The following PYGL variants were observed in gnomAD, a reference collection of about 807,000 sequenced individuals.
The protein encoded by PYGL is glycogen phosphorylase, liver form.
A neutral mutation model predicts 100.1 loss-of-function variants in PYGL; 90 were observed. The ratio of observed to expected loss-of-function variants is 0.90; its 90% CI spans 0.76 to 1.07. The LOEUF (loss-of-function observed/expected upper bound fraction) is 1.07. Ranked by LOEUF, PYGL falls within the 50% of genes least tolerant of loss-of-function variation. The pLI is 0.00. For missense variants in PYGL, 1,016 were observed against 1,057.6 expected, an observed-to-expected ratio of 0.96 and a Z score of 0.55; for synonymous variants, 373 against 393.0, an observed-to-expected ratio of 0.95 and a Z score of 0.60.
At position 50,913,596 on chromosome 14, in the gene PYGL, G is replaced by A. The variant is rs185220088; in HGVS notation, c.1519-466C>T. On this transcript the variant is annotated intron_variant, in intron 12 of 19. Coordinates refer to ENST00000216392, the MANE Select transcript of PYGL (RefSeq NM_002863.5). ...TCACTGTGTTAGCCAGAATGGTCTCGATCTCCTGACCTTGTGATCTGCCCT... is the reference window on the plus strand; with the variant it reads ...TCACTGTGTTAGCCAGAATGGTCTCAATCTCCTGACCTTGTGATCTGCCCT... Among the ~76,000 whole-genome samples, 657 of 152,064 alleles carry A rather than the reference G, an allele frequency of 4.3e-3. 17 individuals carry two copies. In the East Asian group the frequency reaches 0.094, roughly 22 times the overall value.
rs556197952 is a variant in PYGL at position 50,923,801 on chromosome 14, C to G, written c.660+168G>C. ...CTCAGCTCCTTTGTCTCCAAAATGA[C>G]TGGGCTGCGCTAAGAGAAGTAACAG... On this transcript the variant is annotated intron_variant, in intron 5 of 19. Transcript: ENST00000216392. 4.8e-5 allele frequency: 37 copies of G among 778,744 alleles called. No homozygotes were observed. In the South Asian group the frequency reaches 7.1e-4, roughly 15 times the overall value. The allele number at this position is 778,744 out of a possible 1,614,324, so 48.2% of individuals were successfully genotyped here. A position where few individuals can be genotyped will look rare whatever the true frequency, so the allele number is the denominator to read the frequency against.
intron 4 of PYGL, among the ~76,000 whole-genome samples, chr14:50,931,219 C>T (rs2050598157): frequency 6.6e-6 from 1 of 152,134 alleles, no homozygotes; most frequent in Non-Finnish European, 1.5e-5. Flanking sequence ...CATGTATTGG[C>T]CAGCAGTGTG....
intron 7 of PYGL, among the ~76,000 whole-genome samples, chr14:50,919,666 GGTGTGTGT>G (rs35650221): frequency 8.1e-5 from 12 of 148,758 alleles, no homozygotes; most frequent in East Asian, 2.0e-4. Context: ...AGTTCCAAGT[GGTGTGTGT>G]GTGTGTGTGT....
chr14:50,908,777 C>G (rs750482789), intron 18 of PYGL, 44 bp downstream of exon 18: 6 of 1,530,630 alleles, frequency 3.9e-6, no homozygotes, highest in Non-Finnish European at 5.4e-6. Flanking sequence ...TTTCTTGTCC[C>G]CCTTTCATGA....
In PYGL at chr14:50,911,701, C is replaced by T. The variant is rs367999984; in HGVS notation, c.1969+29G>A. The T allele has an allele frequency of 3.0e-5, 49 of 1,613,386 alleles. 1 individual carries two copies. The African/African-American group carries it at 6.1e-4, about 20-fold the overall frequency. On this transcript the variant is annotated intron_variant, in intron 16 of 19. Coordinates refer to ENST00000216392, the MANE Select transcript of PYGL (RefSeq NM_002863.5). ...TGTAATCTCTAGAGTTTGCCCTGGC[C>T]CCTGCATATTTTGCAATGAGGGTAG...
intron 5 of PYGL, chr14:50,923,667 T>C: frequency 3.7e-6 from 1 of 267,280 alleles, no homozygotes; most frequent in South Asian, 3.6e-5. Flanking sequence ...CTGGTTACTA[T>C]AGAACTGACA....
intron 16 of PYGL, among the ~76,000 whole-genome samples, chr14:50,910,340 A>G (rs555201765): frequency 1.3e-5 from 2 of 152,306 alleles, no homozygotes; most frequent in African/African-American, 2.4e-5. Context: ...AAGAGTATCT[A>G]TTGACTGCGA....
At chr14:50,943,776 T>C (rs1413876571) in intron 1 of PYGL, among the ~76,000 whole-genome samples, 1 of 152,224 alleles carries the variant, frequency 6.6e-6, no homozygotes, top group African/African-American at 2.4e-5. Context: ...GGGCAGAGAA[T>C]AGTGTCCGGC....
In PYGL at chr14:50,915,395, G is replaced by A. The variant is rs746971247; in HGVS notation, c.1344C>T (p.Val448=). Residue 448 remains valine, a synonymous_variant, in exon 11 of 20, where the codon GTC becomes GTT. Transcript: ENST00000216392. ...KRINMAHLCI[V]GSHAVNGVAK... ...CCACGCCATTCACAGCATGGGAACC[G>A]ACAATGCAGAGATGGGCCATGTTGA... 1.1e-5 allele frequency: 18 copies of A among 1,614,130 alleles called. No individual in the cohort carries two copies. Among genetic ancestry groups the A allele is most frequent in the East Asian group, 2.2e-5 (1 of 44,876 alleles).
In PYGL at chr14:50,944,240, G is replaced by A; in HGVS notation, c.164C>T (p.Ala55Val). 6.2e-7 allele frequency: 1 copy of A among 1,613,638 alleles called. No homozygotes were observed. Among genetic ancestry groups the A allele is most frequent in the Non-Finnish European group, 8.5e-7 (1 of 1,179,908 alleles). ...GTGGTCGCGCACCGTGTGCGCCAGC[G>A]CGAAGTAGTAGTCGCGGGTGGTGGC... ...NVATTRDYYF[A>V]LAHTVRDHLV... The change falls in exon 1 of 20, where the codon GCG (alanine) becomes GTG (valine). Residue 55 changes from alanine to valine, a missense_variant. By Grantham distance (64) the Ala-to-Val change is moderately conservative. Transcript: ENST00000216392.
In PYGL at chr14:50,924,012, T is replaced by C. The variant is rs371889140; in HGVS notation, c.617A>G (p.Lys206Arg). 56 of 1,613,866 alleles carry C rather than the reference T, an allele frequency of 3.5e-5. No homozygotes were observed. Among genetic ancestry groups the C allele is most frequent in the Non-Finnish European group, 4.7e-5 (56 of 1,179,874 alleles). Reference protein sequence around the residue: ...EFMLPVHFYGKVEHTNTGTKW... With the variant: ...EFMLPVHFYGRVEHTNTGTKW... ...GGTCCCGGTGTTGGTGTGTTCTACT[T>C]TTCCATAGAAGTGCACAGGCAGCAT... The change falls in exon 5 of 20, where the codon AAA becomes AGA. Residue 206 changes from lysine (K) to arginine (R), a missense_variant. Coordinates refer to ENST00000216392, the MANE Select transcript of PYGL (RefSeq NM_002863.5).
intron 4 of PYGL, among the ~76,000 whole-genome samples, chr14:50,930,929 A>T (rs1485229591): frequency 2.1e-5 from 3 of 145,974 alleles, no homozygotes; most frequent in Non-Finnish European, 3.0e-5. Flanking sequence ...TACCAGAGAT[A>T]AAAAAAAAAT....
At chr14:50,913,852 C>G (rs749508126) in intron 12 of PYGL, among the ~76,000 whole-genome samples, 2 of 151,928 alleles carry the variant, frequency 1.3e-5, no homozygotes, top group Admixed American at 6.6e-5. Flanking sequence ...CAACACCTGG[C>G]TAATCTTTTT....
rs1327581647 is a variant in PYGL, at chr14:50,917,090, C to A, written c.871G>T (p.Glu291Ter). ...AAGTATTCCTGCTTCAATCTTAGCT[C>A]CTTCCCTTCAAAAAACTTCAAGCCA... is the stretch of plus-strand genomic sequence containing the variant. ...YPNDNFFEGK[E>*]LRLKQEYFVV... The change falls in exon 8 of 20, where the codon GAG becomes TAG. Residue 291 changes from glutamate (E) to a stop codon, truncating the protein, a stop_gained. Coordinates refer to ENST00000216392, the MANE Select transcript of PYGL (RefSeq NM_002863.5). LOFTEE classifies it high-confidence loss of function. 6.2e-7 allele frequency: 1 copy of A among 1,613,992 alleles called. No homozygotes were observed. The highest frequency in any genetic ancestry group is 1.7e-5 in the Admixed American group (1 of 60,026).
intron 3 of PYGL, 135 bp from the exon 4 acceptor site, chr14:50,931,911 C>G (rs567744308): frequency 2.0e-4 from 140 of 709,142 alleles, no homozygotes; most frequent in African/African-American, 1.9e-3. Flanking sequence ...AGCACAGATA[C>G]TACTGCACAA....
Position 50,910,068 on chromosome 14 carries a change from G to A in PYGL, c.2004C>T (p.Ser668=), listed in dbSNP as rs1215406679. The change falls in exon 17 of 20, where the codon TCC becomes TCT. Residue 668 remains serine, a synonymous_variant. Transcript: ENST00000216392. ...TCCCCGAGGCTTCGGTGCCTGCAGT[G>A]GAAATCTGCTCTGACAGATCTGTGG... is the stretch of plus-strand genomic sequence containing the variant. ...IPATDLSEQI[S]TAGTEASGTG... The A allele has an allele frequency of 6.2e-7, 1 of 1,614,086 alleles. No homozygotes were observed. The highest frequency in any genetic ancestry group is 1.3e-5 in the African/African-American group (1 of 75,024).
chr14:50,944,435 G>C lies in PYGL; in HGVS notation c.-32C>G, dbSNP rs758613627. 1.3e-6 allele frequency: 2 copies of C among 1,578,364 alleles called. No homozygotes were observed. The highest frequency in any genetic ancestry group is 3.6e-5 in the Admixed American group (2 of 56,114). ...GGCGGCGGGCTGCGCGGCGGGCTGC[G>C]CAGAGAGCTGGAAGTGCGGCCGGAG... On this transcript the variant is annotated 5_prime_UTR_variant, in exon 1 of 20. Transcript: ENST00000216392.
chr14:50,907,202 T>C (rs1045295432), intron 19 of PYGL, among the ~76,000 whole-genome samples: 6 of 152,300 alleles, frequency 3.9e-5, no homozygotes, highest in Admixed American at 6.5e-5. Context: ...CCCTTTTTTT[T>C]CCCCTCAGTA....
Position 50,911,746 on chromosome 14 carries a change from T to TACTC in PYGL, c.1949_1952dup (p.Leu653IlefsTer4). The TACTC allele has an allele frequency of 6.2e-7, 1 of 1,614,226 alleles. No individual in the cohort carries two copies. Among genetic ancestry groups the TACTC allele is most frequent in the Non-Finnish European group, 8.5e-7 (1 of 1,180,044 alleles). On this transcript the variant is annotated frameshift_variant, in exon 16 of 20. Coordinates refer to ENST00000216392, the MANE Select transcript of PYGL (RefSeq NM_002863.5). LOFTEE classifies it high-confidence loss of function. ...GGGTAGTACCTTTTTCAGCAAGAGA[T>TACTC]ACTCTGTAGTTCTCCAAGAAGATGA...
Sources: gnomAD v4.1 joint callset for allele counts (sites outside exome capture counted in the v4.1 genomes callset) on GRCh38, gnomAD v4.1.1 for gene constraint, MANE v1.5 for transcripts, NCBI Gene and HGNC (gene_info 2026-07-23, HGNC 2026-07-21) for gene names.